NFIX: variants seen among roughly 807,000 people sequenced by gnomAD.
NFIX encodes nuclear factor I X.
In NFIX, 2 loss-of-function variants were observed where a neutral mutation model predicts 53.3. The ratio of observed to expected loss-of-function variants is 0.04; its 90% confidence interval spans 0.02 to 0.12. NFIX has a LOEUF of 0.12. Among genes scored for constraint, NFIX ranks in the 10% least tolerant of loss-of-function variants. NFIX has a pLI of 1.00. For synonymous variants in NFIX, 244 were observed against 289.0 expected (o/e 0.84, Z 1.58); for missense variants, 310 against 674.5 (o/e 0.46, Z 5.99).
At chr19:13,015,174 C>G (rs542347243) in intron 1 of NFIX, among the ~76,000 whole-genome samples, 1 of 151,984 alleles carries the variant, frequency 6.6e-6, no homozygotes, top group Non-Finnish European at 1.5e-5. Flanking sequence ...CCCTTGTATT[C>G]GTCTTTTTAC....
In NFIX at chr19:13,094,750, C is replaced by G. The variant is rs1395021969; in HGVS notation, c.*101C>G. On this transcript the variant is annotated 3_prime_UTR_variant, in exon 11 of 11. Transcript: ENST00000592199. This position sits in a 1 kb window ranked among gnomAD's most constrained non-coding sequence, Gnocchi z 4.3. ...AAAAATCCCCCAGCCCAGCCCAGCC[C>G]CACCGAAAAGCAAAAATTACACGTC... 9.7e-6 allele frequency: 13 copies of G among 1,342,314 alleles called. No individual in the cohort carries two copies. In the East Asian group the frequency reaches 3.3e-4, roughly 34 times the overall value. 83.2% of individuals were successfully genotyped at this position (1,342,314 alleles called of 1,614,324 possible).
At position 13,078,673 on chromosome 19, in the gene NFIX, G is replaced by T. The variant is rs2017265496; in HGVS notation, c.1016G>T (p.Gly339Val). ...TTCTGCAGTGCCCTCTCCTCTCAGG[G>T]CAGCTCCCCGCGCATGGCTTTCACC... ...LDFCSALSSQ[G>V]SSPRMAFTHH... The change falls in exon 7 of 11, where the codon GGC becomes GTC. Residue 339 changes from glycine (G) to valine (V), a missense_variant. Gly to Val is a moderately radical substitution (Grantham distance 109, BLOSUM62 -3). Transcript: ENST00000592199. This position sits in a 1 kb window ranked among gnomAD's most constrained non-coding sequence, Gnocchi z 4.7. 6.3e-7 allele frequency: 1 copy of T among 1,598,422 alleles called. No individual in the cohort carries two copies. Among genetic ancestry groups the T allele is most frequent in the Non-Finnish European group, 8.5e-7 (1 of 1,172,872 alleles).
At chr19:13,061,498 G>A in intron 2 of NFIX, among the ~76,000 whole-genome samples, 1 of 152,338 alleles carries the variant, frequency 6.6e-6, no homozygotes, top group East Asian at 1.9e-4. Context: ...CGCTGGCCGC[G>A]CCCCGCCGCA....
chr19:13,078,483 G>A lies in NFIX; in HGVS notation c.956-130G>A. ...GGGACTGGGCAAGGAGCAGCAGGAGGGAGCACAGTGGAGGAAGGGGCAGTG... is the reference window on the plus strand; with the variant it reads ...GGGACTGGGCAAGGAGCAGCAGGAGAGAGCACAGTGGAGGAAGGGGCAGTG... On this transcript the variant is annotated intron_variant, in intron 6 of 10. Coordinates refer to ENST00000592199, the MANE Select transcript of NFIX (RefSeq NM_001365902.3). The surrounding 1 kb of genome is among the most constrained non-coding windows in gnomAD (Gnocchi z 4.7). 8.4e-7 allele frequency: 1 copy of A among 1,194,644 alleles called. No homozygotes were observed. Among genetic ancestry groups the A allele is most frequent in the South Asian group, 1.5e-5 (1 of 66,384 alleles). 74.0% of individuals were successfully genotyped at this position (1,194,644 alleles called of 1,614,324 possible). A position where few individuals can be genotyped will look rare whatever the true frequency, so the allele number is the denominator to read the frequency against.
Position 13,093,137 on chromosome 19 carries a change from G to A in NFIX, c.1495-1498G>A, listed in dbSNP as rs1023913819. ...AAATTATTAACTAAAGAAAAATTTA[G>A]TTCCTCAGTTACAGTAGCCACATTT... On this transcript the variant is annotated intron_variant, in intron 10 of 10. Transcript: ENST00000592199. This position sits in a 1 kb window ranked among gnomAD's most constrained non-coding sequence, Gnocchi z 4.7. 2.0e-5 allele frequency among the ~76,000 whole-genome samples: 3 copies of A among 152,206 alleles called. No homozygotes were observed. The highest frequency in any genetic ancestry group is 6.5e-5 in the Admixed American group (1 of 15,284).
chr19:13,091,614 A>T (rs1192650248), intron 10 of NFIX, among the ~76,000 whole-genome samples: 1 of 152,038 alleles, frequency 6.6e-6, no homozygotes, highest in Non-Finnish European at 1.5e-5. Flanking sequence ...GAGAAGAAAA[A>T]CAATGGCTCC....
At chr19:13,054,780 G>C (rs1049793785) in intron 2 of NFIX, among the ~76,000 whole-genome samples, 1 of 152,104 alleles carries the variant, frequency 6.6e-6, no homozygotes, top group Admixed American at 6.5e-5. Flanking sequence ...AGGAGGGCGG[G>C]GGTAGGGGGA....
rs1440864366 is a variant in NFIX, at chr19:13,096,352, G to T, written c.*1703G>T. ...TTTGTGAGGCTGTGGCCCCGAGCTG[G>T]CGGAGGGAGGGAAGAGGAGGGAGTG... On this transcript the variant is annotated 3_prime_UTR_variant, in exon 11 of 11. Coordinates refer to ENST00000592199, the MANE Select transcript of NFIX (RefSeq NM_001365902.3). 6.6e-6 allele frequency: 1 copy of T among 152,504 alleles called. No homozygotes were observed. The highest frequency in any genetic ancestry group is 1.9e-4 in the East Asian group (1 of 5,194). The allele number at this position is 152,504 out of a possible 1,614,324, so 9.4% of individuals were successfully genotyped here. A position where few individuals can be genotyped will look rare whatever the true frequency, so the allele number is the denominator to read the frequency against.
rs1007288781 is a variant in NFIX at position 13,013,864 on chromosome 19, GCC to G, written c.28-11156_28-11155del. 6.6e-6 allele frequency: 1 copy of G among 152,090 alleles called. No homozygotes were observed. Among genetic ancestry groups the G allele is most frequent in the Non-Finnish European group, 1.5e-5 (1 of 68,016 alleles). The allele number at this position is 152,090 out of a possible 1,614,324, so 9.4% of individuals were successfully genotyped here. On this transcript the variant is annotated intron_variant, in intron 1 of 10. Transcript: ENST00000592199. The surrounding 1 kb of genome is among the most constrained non-coding windows in gnomAD (Gnocchi z 5.9). ...CTGGCGTGGGGCACCTGAGATCTCC[GCC>G]ACTGAAAAGGCGCTATAGAAATGCA...
intron 1 of NFIX, among the ~76,000 whole-genome samples, chr19:13,000,024 C>T (rs910351570): frequency 1.3e-5 from 2 of 152,328 alleles, no homozygotes; most frequent in South Asian, 2.1e-4. Context: ...GCCGAGGGCT[C>T]TGCCGGGAAC....
intron 2 of NFIX, among the ~76,000 whole-genome samples, chr19:13,062,339 G>T (rs2016142744): frequency 6.6e-6 from 1 of 152,222 alleles, no homozygotes; most frequent in Admixed American, 6.5e-5. Flanking sequence ...CTTCAGGAGG[G>T]GGAAGATGTC....
intron 2 of NFIX, among the ~76,000 whole-genome samples, chr19:13,069,328 AAGACTGGGGAATCAGAG>A (rs1488140531): frequency 6.6e-6 from 1 of 152,172 alleles, no homozygotes; most frequent in African/African-American, 2.4e-5. Flanking sequence ...ATGGCCCCAG[AAGACTGGGGAATCAGAG>A]AGACAGTCCT....
chr19:13,094,894 CAGAA>C lies in NFIX; in HGVS notation c.*251_*254del. The C allele has an allele frequency of 3.8e-6, 2 of 525,942 alleles. No individual in the cohort carries two copies. Among genetic ancestry groups the C allele is most frequent in the Non-Finnish European group, 6.8e-6 (2 of 292,124 alleles). The allele number at this position is 525,942 out of a possible 1,614,324, so 32.6% of individuals were successfully genotyped here. On this transcript the variant is annotated 3_prime_UTR_variant, in exon 11 of 11. Coordinates refer to ENST00000592199, the MANE Select transcript of NFIX (RefSeq NM_001365902.3). This position sits in a 1 kb window ranked among gnomAD's most constrained non-coding sequence, Gnocchi z 4.3. Reference sequence around the variant, plus strand: ...GTGGAGCTGTGCACCAGCAGCCAAGCAGAAAGAAACACGCGACATGGACTCTGTC... The same window carrying C: ...GTGGAGCTGTGCACCAGCAGCCAAGCAGAAACACGCGACATGGACTCTGTC...
At chr19:13,016,801 G>T (rs186954965) in intron 1 of NFIX, among the ~76,000 whole-genome samples, 1 of 152,066 alleles carries the variant, frequency 6.6e-6, no homozygotes, top group Admixed American at 6.5e-5. Context: ...CAGCAATGAG[G>T]GGGAGGACGC....
intron 8 of NFIX, among the ~76,000 whole-genome samples, chr19:13,087,774 CAA>C (rs1157966190): frequency 7.6e-5 from 2 of 26,392 alleles, no homozygotes; most frequent in Non-Finnish European, 1.3e-4. Flanking sequence ...AAAAGAGGAC[CAA>C]AAAAAAAAAA....
At chr19:13,010,237 G>A (rs746962870) in intron 1 of NFIX, among the ~76,000 whole-genome samples, 1 of 152,228 alleles carries the variant, frequency 6.6e-6, no homozygotes, top group Non-Finnish European at 1.5e-5. Flanking sequence ...TCAGGGGCCA[G>A]ATCCGGGCTC....
intron 1 of NFIX, among the ~76,000 whole-genome samples, chr19:13,018,047 G>A (rs10410950): frequency 0.1 from 15,783 of 152,230 alleles, 1,596 homozygotes; most frequent in African/African-American, 0.26. Context: ...TTTTACTTCT[G>A]TTTGGTGACA....
intron 8 of NFIX, among the ~76,000 whole-genome samples, chr19:13,085,265 G>A (rs2017708921): frequency 6.6e-6 from 1 of 152,116 alleles, no homozygotes; most frequent in African/African-American, 2.4e-5. Context: ...TTGTAAATCA[G>A]CAGGTTTCAA....
At chr19:13,003,409 G>A (rs935989513) in intron 1 of NFIX, among the ~76,000 whole-genome samples, 2 of 152,022 alleles carry the variant, frequency 1.3e-5, no homozygotes, top group South Asian at 4.2e-4. Context: ...CTCTGCCACC[G>A]TCAAATGCAG....
Sources: gnomAD v4.1 joint callset for allele counts (sites outside exome capture counted in the v4.1 genomes callset) on GRCh38, gnomAD v4.1.1 for gene constraint, Gnocchi (gnomAD v3.1) non-coding constraint, MANE v1.5 for transcripts, NCBI Gene and HGNC (gene_info 2026-07-23, HGNC 2026-07-21) for gene names.